The following B3GALT5 variants were observed in gnomAD, a reference collection of about 807,000 sequenced individuals.
B3GALT5 encodes UDP-Gal:betaGlcNAc beta 1,3-galactosyltransferase, polypeptide 5.
For synonymous variants in B3GALT5, 156 were observed against 158.6 expected (o/e 0.98, Z 0.12); for missense variants, 328 against 396.6 (o/e 0.83, Z 1.47).
rs9636961 is a variant in B3GALT5, at chr21:39,664,885, G to T, written c.*3393G>T. 1.8e-3 allele frequency: 274 copies of T among 152,598 alleles called. 2 individuals are homozygous for T. Among genetic ancestry groups the T allele is most frequent in the East Asian group, 3.3e-3 (17 of 5,148 alleles). 9.5% of individuals were successfully genotyped at this position (152,598 alleles called of 1,614,324 possible). ...CTTGCTCCTTCTCTTTGCTCTGACAGTGTCGTGCTGGAGGATCCTGGGCTC... is the reference window on the plus strand; with the variant it reads ...CTTGCTCCTTCTCTTTGCTCTGACATTGTCGTGCTGGAGGATCCTGGGCTC... On this transcript the variant is annotated 3_prime_UTR_variant, in exon 4 of 4. Coordinates refer to ENST00000684187, the MANE Select transcript of B3GALT5 (RefSeq NM_001356336.2).
rs1410985476 is a variant in B3GALT5 at position 39,642,885 on chromosome 21, AAAAAAAG to A, written c.-391-3502_-391-3496del. Among the ~76,000 whole-genome samples, 575 of 143,760 alleles carry A rather than the reference AAAAAAAG, an allele frequency of 4.0e-3. 3 individuals are homozygous for A. Among genetic ancestry groups the A allele is most frequent in the East Asian group, 0.024 (111 of 4,606 alleles). 94.3% of individuals were successfully genotyped at this position (143,760 alleles called of 152,430 possible). A position where few individuals can be genotyped will look rare whatever the true frequency, so the allele number is the denominator to read the frequency against. On this transcript the variant is annotated intron_variant, in intron 1 of 3. Transcript: ENST00000684187. ...ACTCCCATTGCCACAAAAAAAAAAA[AAAAAAAG>A]AAAAGAAAAGAAAGCTGGGCATGGT...
At chr21:39,630,326 T>C (rs1602262292) in intron 1 of B3GALT5, 1 of 152,134 alleles carries the variant, frequency 6.6e-6, no homozygotes, top group African/African-American at 2.4e-5. Context: ...TGAATGTGAG[T>C]GAAGCTGGAA....
chr21:39,618,302 C>CTT (rs962370526), intron 1 of B3GALT5, among the ~76,000 whole-genome samples: 3 of 152,080 alleles, frequency 2.0e-5, no homozygotes, highest in African/African-American at 7.2e-5. Context: ...TTAGAGTGTA[C>CTT]TTTAGAGTAC....
intron 1 of B3GALT5, among the ~76,000 whole-genome samples, chr21:39,613,461 G>A (rs1211527813): frequency 6.6e-6 from 1 of 152,172 alleles, no homozygotes; most frequent in Non-Finnish European, 1.5e-5. Context: ...AGCACCCTGC[G>A]GCAGGCAGCT....
In B3GALT5 at chr21:39,670,082, T is replaced by C. The variant is rs73360166; in HGVS notation, c.*8590T>C. ...GCCCTGGCCAGCCCTCTCTTGAGGT[T>C]ACTCAAGTGTCCAATGGCAGCCCAA... On this transcript the variant is annotated 3_prime_UTR_variant, in exon 4 of 4. Coordinates refer to ENST00000684187, the MANE Select transcript of B3GALT5 (RefSeq NM_001356336.2). 0.11 allele frequency: 16,848 copies of C among 152,296 alleles called. 2,230 individuals are homozygous for C. Among genetic ancestry groups the C allele is most frequent in the African/African-American group, 0.32 (13,242 of 41,472 alleles). The allele number at this position is 152,296 out of a possible 1,614,324, so 9.4% of individuals were successfully genotyped here. A position where few individuals can be genotyped will look rare whatever the true frequency, so the allele number is the denominator to read the frequency against.
chr21:39,625,087 A>G (rs1262987170), intron 1 of B3GALT5, among the ~76,000 whole-genome samples: 1 of 152,146 alleles, frequency 6.6e-6, no homozygotes, highest in African/African-American at 2.4e-5. Flanking sequence ...ACACTTTTTC[A>G]GTTTCCTGTT....
Position 39,663,250 on chromosome 21 carries a change from T to C in B3GALT5, c.*1758T>C, listed in dbSNP as rs1273023351. On this transcript the variant is annotated 3_prime_UTR_variant, in exon 4 of 4. Coordinates refer to ENST00000684187, the MANE Select transcript of B3GALT5 (RefSeq NM_001356336.2). ...GTTTCGTGGTCTACCTTGTCAGGTGTGTGTCTGTGTGGCCACTGGTCTCAG... is the reference window on the plus strand; with the variant it reads ...GTTTCGTGGTCTACCTTGTCAGGTGCGTGTCTGTGTGGCCACTGGTCTCAG... 2 of 152,508 alleles carry C rather than the reference T, an allele frequency of 1.3e-5. No homozygotes were observed. Among genetic ancestry groups the C allele is most frequent in the Non-Finnish European group, 2.9e-5 (2 of 68,142 alleles). 9.4% of individuals were successfully genotyped at this position (152,508 alleles called of 1,614,324 possible).
At chr21:39,614,241 T>G (rs1181001383) in intron 1 of B3GALT5, among the ~76,000 whole-genome samples, 1 of 152,232 alleles carries the variant, frequency 6.6e-6, no homozygotes, top group Non-Finnish European at 1.5e-5. Context: ...TTTATATCTT[T>G]TAAGGAATGA....
chr21:39,647,554 GT>G (rs369718058), intron 2 of B3GALT5, among the ~76,000 whole-genome samples: 3 of 33,164 alleles, frequency 9.0e-5, no homozygotes, highest in African/African-American at 4.3e-4. Context: ...GGCCACGCTG[GT>G]CCACGCTGGT....
chr21:39,638,283 T>C (rs943123391), intron 1 of B3GALT5, among the ~76,000 whole-genome samples: 2 of 152,060 alleles, frequency 1.3e-5, no homozygotes, highest in Admixed American at 1.3e-4. Context: ...CCCAAGACCC[T>C]AGCAGGCAGA....
chr21:39,651,178 C>T (rs2079392162), intron 2 of B3GALT5, among the ~76,000 whole-genome samples: 1 of 152,236 alleles, frequency 6.6e-6, no homozygotes. Flanking sequence ...TCAGGAACCT[C>T]TAACTGAAAT....
In B3GALT5 at chr21:39,669,249, C is replaced by G. The variant is rs2079606436; in HGVS notation, c.*7757C>G. ...TAAAAGAAGTTGGAGCTGGAAGATGCCTTAGAAATTATCTACAGTATTTTT... is the reference window on the plus strand; with the variant it reads ...TAAAAGAAGTTGGAGCTGGAAGATGGCTTAGAAATTATCTACAGTATTTTT... On this transcript the variant is annotated 3_prime_UTR_variant, in exon 4 of 4. Transcript: ENST00000684187. 6.6e-6 allele frequency: 1 copy of G among 151,856 alleles called. No homozygotes were observed. The highest frequency in any genetic ancestry group is 1.5e-5 in the Non-Finnish European group (1 of 68,018). 9.4% of individuals were successfully genotyped at this position (151,856 alleles called of 1,614,324 possible).
intron 1 of B3GALT5, among the ~76,000 whole-genome samples, chr21:39,632,627 C>T (rs1340913947): frequency 3.3e-5 from 5 of 152,202 alleles, no homozygotes; most frequent in African/African-American, 9.7e-5. Context: ...TTGCATCCCT[C>T]ATTATTAATA....
rs555727020 is a variant in B3GALT5 at position 39,665,165 on chromosome 21, A to G, written c.*3673A>G. 6.6e-6 allele frequency: 1 copy of G among 152,058 alleles called. No homozygotes were observed. Among genetic ancestry groups the G allele is most frequent in the Admixed American group, 6.6e-5 (1 of 15,254 alleles). 9.4% of individuals were successfully genotyped at this position (152,058 alleles called of 1,614,324 possible). A position where few individuals can be genotyped will look rare whatever the true frequency, so the allele number is the denominator to read the frequency against. ...GGCCACTCCATCTTCCTGCAGCTCAAGTGGGAAGCCCTGGAGCCATTCCGA... is the reference window on the plus strand; with the variant it reads ...GGCCACTCCATCTTCCTGCAGCTCAGGTGGGAAGCCCTGGAGCCATTCCGA... On this transcript the variant is annotated 3_prime_UTR_variant, in exon 4 of 4. Transcript: ENST00000684187.
In B3GALT5 at chr21:39,672,587, A is replaced by T. The variant is rs2079639679; in HGVS notation, c.*11095A>T. The stretch of plus-strand genomic sequence containing the variant: ...TTTTTAATGAAAATTAAATTATGAA[A>T]ATAATGCACTTAACTAGGTGAGTTT... On this transcript the variant is annotated 3_prime_UTR_variant, in exon 4 of 4. Coordinates refer to ENST00000684187, the MANE Select transcript of B3GALT5 (RefSeq NM_001356336.2). The T allele has an allele frequency of 6.6e-6, 1 of 152,220 alleles. No homozygotes were observed. The highest frequency in any genetic ancestry group is 6.5e-5 in the Admixed American group (1 of 15,276). The allele number at this position is 152,220 out of a possible 1,614,324, so 9.4% of individuals were successfully genotyped here.
At chr21:39,627,908 G>A (rs533452181) in intron 1 of B3GALT5, among the ~76,000 whole-genome samples, 33 of 152,216 alleles carry the variant, frequency 2.2e-4, no homozygotes, top group African/African-American at 7.0e-4. Context: ...AGCATTACTG[G>A]TATTATAACT....
chr21:39,647,785 G>T (rs2079355617), intron 2 of B3GALT5, among the ~76,000 whole-genome samples: 1 of 152,180 alleles, frequency 6.6e-6, no homozygotes, highest in Non-Finnish European at 1.5e-5. Context: ...AGGGCAACAA[G>T]CTTCCAGAAT....
intron 1 of B3GALT5, among the ~76,000 whole-genome samples, chr21:39,641,123 A>G (rs1005843512): frequency 6.6e-6 from 1 of 152,216 alleles, no homozygotes; most frequent in Non-Finnish European, 1.5e-5. Flanking sequence ...AGATATTTCA[A>G]GGTTGGAAGA....
chr21:39,623,451 T>G (rs193204167), intron 1 of B3GALT5, among the ~76,000 whole-genome samples: 35 of 152,174 alleles, frequency 2.3e-4, no homozygotes, highest in Admixed American at 1.9e-3. Context: ...ACACATGAGT[T>G]TATGCAACTT....
Sources: gnomAD v4.1 joint callset for allele counts (sites outside exome capture counted in the v4.1 genomes callset) on GRCh38, gnomAD v4.1.1 for gene constraint, MANE v1.5 for transcripts, NCBI Gene and HGNC (gene_info 2026-07-23, HGNC 2026-07-21) for gene names.